The following POLK variants were observed in gnomAD, a reference collection of about 807,000 sequenced individuals.
POLK encodes DNA polymerase kappa.
In POLK, 76 loss-of-function variants were observed where a neutral mutation model predicts 94.0. That is an observed-to-expected ratio of 0.81 (90% CI 0.67 to 0.98). POLK has a LOEUF of 0.98. Among genes scored for constraint, POLK ranks in the 50% least tolerant of loss-of-function variants. The pLI is 0.00. For synonymous variants in POLK, 349 were observed against 325.4 expected (o/e 1.07, Z -0.78); for missense variants, 954 against 1,010.1 (o/e 0.94, Z 0.75).
intron 10 of POLK, among the ~76,000 whole-genome samples, chr5:75,589,857 G>A (rs1031418809): frequency 1.3e-5 from 2 of 152,000 alleles, no homozygotes; most frequent in Admixed American, 1.3e-4. Flanking sequence ...AATCTTATCA[G>A]CCTTCTATTT....
In POLK at chr5:75,552,643, A is replaced by G. The variant is rs5744606; in HGVS notation, c.255+52A>G. On this transcript the variant is annotated intron_variant, in intron 3 of 14. Coordinates refer to ENST00000241436, the Ensembl canonical transcript of POLK. ...GGAAGCTGGTAGAATAGTAATTGAC[A>G]GTTAAAATGTATTGTCAAGTCATAA... 3.7e-3 allele frequency: 5,562 copies of G among 1,484,186 alleles called. 42 individuals carry two copies. The highest frequency in any genetic ancestry group is 3.5e-3 in the Admixed American group (169 of 48,130). The allele number at this position is 1,484,186 out of a possible 1,614,324, so 91.9% of individuals were successfully genotyped here. A position where few individuals can be genotyped will look rare whatever the true frequency, so the allele number is the denominator to read the frequency against.
chr5:75,527,996 C>G (rs1768955886), intron 1 of POLK, among the ~76,000 whole-genome samples: 2 of 152,252 alleles, frequency 1.3e-5, no homozygotes, highest in South Asian at 4.1e-4. Context: ...TATTGGTACT[C>G]TCAGACAAAG....
intron 3 of POLK, among the ~76,000 whole-genome samples, chr5:75,564,856 G>A (rs1407444722): frequency 1.3e-5 from 2 of 152,108 alleles, no homozygotes; most frequent in African/African-American, 4.8e-5. Flanking sequence ...ATGATTATGT[G>A]TCTTGGGGTT....
At chr5:75,531,400 C>G (rs989074379) in intron 1 of POLK, among the ~76,000 whole-genome samples, 1 of 151,398 alleles carries the variant, frequency 6.6e-6, no homozygotes, top group Non-Finnish European at 1.5e-5. Flanking sequence ...GCTATTTACA[C>G]CAGTATATAA....
At chr5:75,602,689 C>G (rs562098132), downstream of POLK, among the ~76,000 whole-genome samples, 1 of 152,236 alleles carries the variant, frequency 6.6e-6, no homozygotes, top group Non-Finnish European at 1.5e-5. Context: ...TGAATATATG[C>G]ATATAAAACA....
exon 15 of POLK, chr5:75,598,101 G>A (rs1773188182): frequency 1.7e-6 from 1 of 599,570 alleles, no homozygotes; most frequent in Non-Finnish European, 2.7e-6. Flanking sequence ...TTTTAAGTTT[G>A]CAGATTTATT....
upstream of POLK, chr5:75,511,419 G>A: frequency 6.5e-7 from 1 of 1,544,994 alleles, no homozygotes; most frequent in Non-Finnish European, 8.7e-7. Flanking sequence ...GAGCGGTGAA[G>A]GAAGCCTACC....
At chr5:75,545,734 T>C (rs573467797) in intron 1 of POLK, among the ~76,000 whole-genome samples, 2 of 152,332 alleles carry the variant, frequency 1.3e-5, no homozygotes, top group South Asian at 4.1e-4. Context: ...GCATTTGAAC[T>C]TAACGTGTAT....
chr5:75,586,677 A>C (rs1356760464), intron 9 of POLK, among the ~76,000 whole-genome samples: 3 of 152,206 alleles, frequency 2.0e-5, no homozygotes, highest in Non-Finnish European at 2.9e-5. Context: ...ATTATTTAAC[A>C]TTTAATTATA....
chr5:75,547,060 A>G lies in POLK; in HGVS notation c.38A>G (p.Asp13Gly), dbSNP rs372575097. 8.5e-6 allele frequency: 13 copies of G among 1,535,922 alleles called. No homozygotes were observed. Among genetic ancestry groups the G allele is most frequent in the African/African-American group, 1.4e-5 (1 of 72,544 alleles). ...AAGGAGAAGTGTGACAGTTACAAAG[A>G]TGATCTTCTGCTTAGGATGGGACTT... The change falls in exon 2 of 15, where the codon GAT becomes GGT. Residue 13 changes from aspartate to glycine, a missense_variant. Transcript: ENST00000241436.
At chr5:75,519,974 G>C (rs1239774298) in intron 1 of POLK, among the ~76,000 whole-genome samples, 1 of 151,978 alleles carries the variant, frequency 6.6e-6, no homozygotes, top group Non-Finnish European at 1.5e-5. Context: ...GTTCTTTTGT[G>C]GTTAAGTGAT....
Position 75,579,521 on chromosome 5 carries a change from C to A in POLK, c.695-1688C>A, listed in dbSNP as rs1561393935. On this transcript the variant is annotated intron_variant, in intron 6 of 14. Coordinates refer to ENST00000241436, the Ensembl canonical transcript of POLK. ...AGTAGCTGTGCGCCACCATTCCTGG[C>A]TCATTTTTGTATTTTTAGTAGAGAT... Among the ~76,000 whole-genome samples, 5 of 151,718 alleles carry A rather than the reference C, an allele frequency of 3.3e-5. No individual in the cohort carries two copies. In the South Asian group the frequency reaches 1.0e-3, roughly 32 times the overall value.
chr5:75,522,469 A>T (rs1278139702), intron 1 of POLK, among the ~76,000 whole-genome samples: 1 of 152,134 alleles, frequency 6.6e-6, no homozygotes, highest in South Asian at 2.1e-4. Context: ...CTATTTTGGA[A>T]CCCAAAACCG....
chr5:75,547,179 ATGTG>A (rs770523419), intron 2 of POLK, 22 bp downstream of exon 2: 1 of 1,426,210 alleles, frequency 7.0e-7, no homozygotes. Flanking sequence ...GTTTCTTTTG[ATGTG>A]TGTAATTTAA....
Position 75,596,822 on chromosome 5 carries a change from C to A in POLK, c.2129C>A (p.Ser710Ter). ...GCTTTAGTAGATACTATAGATAACTCATCTAAAGCAGAAAGCATAGATGCT... is the reference window on the plus strand; with the variant it reads ...GCTTTAGTAGATACTATAGATAACTAATCTAAAGCAGAAAGCATAGATGCT... Residue 710 changes from serine (S) to a stop codon, truncating the protein, a stop_gained, in exon 13 of 15, where the codon TCA becomes TAA. Transcript: ENST00000241436. LOFTEE classifies it high-confidence loss of function. The A allele has an allele frequency of 7.4e-6, 12 of 1,611,102 alleles. No homozygotes were observed. Among genetic ancestry groups the A allele is most frequent in the South Asian group, 1.1e-5 (1 of 90,932 alleles).
chr5:75,605,564 G>T (rs138839454), downstream of POLK, among the ~76,000 whole-genome samples: 45 of 152,238 alleles, frequency 3.0e-4, no homozygotes, highest in Non-Finnish European at 5.6e-4. Context: ...ATACGCCATG[G>T]TTTTTTGGGT....
In POLK at chr5:75,559,505, GTTTTTTTGTTTTGTTTTGTTTTTTTT is replaced by G. The variant is rs1408563440; in HGVS notation, c.255+6922_255+6947del. On this transcript the variant is annotated intron_variant, in intron 3 of 14. Coordinates refer to ENST00000241436, the Ensembl canonical transcript of POLK. ...TTGGCAATTTATTGATTTGGGGTTT[GTTTTTTTGTTTTGTTTTGTTTTTTTT>G]TTTTTTTTTTTTTTTTTTTAGAGAC... is the stretch of plus-strand genomic sequence containing the variant. Among the ~76,000 whole-genome samples the G allele has an allele frequency of 3.4e-4, 24 of 70,078 alleles. 1 individual carries two copies. The highest frequency in any genetic ancestry group is 3.3e-4 in the Non-Finnish European group (10 of 30,232). 46.0% of individuals were successfully genotyped at this position (70,078 alleles called of 152,430 possible).
intron 11 of POLK, 44 bp from the exon 12 acceptor site, chr5:75,593,834 C>T (rs758984719): frequency 1.7e-6 from 2 of 1,210,118 alleles, no homozygotes; most frequent in Non-Finnish European, 2.3e-6. Flanking sequence ...CAGAGAGAGA[C>T]CCTGTCTCAT....
At chr5:75,533,493 A>G (rs1415105718) in intron 1 of POLK, among the ~76,000 whole-genome samples, 1 of 152,140 alleles carries the variant, frequency 6.6e-6, no homozygotes, top group Non-Finnish European at 1.5e-5. Flanking sequence ...ATATCCTTGT[A>G]ATATAGTTTG....
Sources: gnomAD v4.1 joint callset for allele counts (sites outside exome capture counted in the v4.1 genomes callset) on GRCh38, gnomAD v4.1.1 for gene constraint, MANE v1.5 for transcripts, NCBI Gene and HGNC (gene_info 2026-07-23, HGNC 2026-07-21) for gene names.